SKA2: variants seen among roughly 807,000 people sequenced by gnomAD.
The protein encoded by SKA2 is spindle and kinetochore-associated protein 2.
A neutral mutation model predicts 16.9 loss-of-function variants in SKA2; 13 were observed. The observed-to-expected ratio is 0.77, with a 90% confidence interval of 0.50 to 1.22. SKA2 has a LOEUF of 1.22. SKA2 is among the 50% of genes most tolerant of loss of function. SKA2 has a pLI of 0.00. For missense variants in SKA2, 107 were observed against 139.7 expected (o/e 0.77, Z 1.18); for synonymous variants, 47 against 48.5 (o/e 0.97, Z 0.13).
chr17:59,120,655 T>C (rs1306170332), intron 2 of SKA2, among the ~76,000 whole-genome samples: 1 of 152,184 alleles, frequency 6.6e-6, no homozygotes, highest in African/African-American at 2.4e-5. Flanking sequence ...TTTCGCAGGA[T>C]AGAAAAAATA....
intron 1 of SKA2, among the ~76,000 whole-genome samples, chr17:59,132,551 CT>C (rs1417600611): frequency 6.6e-6 from 1 of 152,234 alleles, no homozygotes; most frequent in African/African-American, 2.4e-5. Flanking sequence ...GTGGTCCCAG[CT>C]ATTTGGGTAG....
At chr17:59,130,731 G>A (rs1194168408) in intron 2 of SKA2, among the ~76,000 whole-genome samples, 2 of 151,992 alleles carry the variant, frequency 1.3e-5, no homozygotes, top group East Asian at 1.9e-4. Context: ...GTTAACAGAC[G>A]ATGCTTGGAG....
intron 1 of SKA2, among the ~76,000 whole-genome samples, chr17:59,149,908 T>C (rs150617645): frequency 3.5e-3 from 529 of 152,208 alleles, no homozygotes; most frequent in African/African-American, 0.012. Flanking sequence ...CAAAGGAATG[T>C]AGGGGTCTCA....
At chr17:59,129,918 AG>A (rs1416648587) in intron 2 of SKA2, among the ~76,000 whole-genome samples, 23 of 109,686 alleles carry the variant, frequency 2.1e-4, no homozygotes, top group Admixed American at 2.1e-3. Context: ...GGAGGGAGGG[AG>A]GGAAGGAAGG....
At chr17:59,141,917 C>T (rs2046493321) in intron 1 of SKA2, among the ~76,000 whole-genome samples, 1 of 151,962 alleles carries the variant, frequency 6.6e-6, no homozygotes, top group South Asian at 2.1e-4. Flanking sequence ...CCTGGTAGGA[C>T]CTTTGCTACT....
intron 1 of SKA2, among the ~76,000 whole-genome samples, chr17:59,143,027 G>A (rs2046504413): frequency 6.6e-6 from 1 of 151,494 alleles, no homozygotes; most frequent in Non-Finnish European, 1.5e-5. Context: ...TCCTGCCTCA[G>A]CCTCCCAAAG....
rs2046253311 is a variant in SKA2 at position 59,109,982 on chromosome 17, TAAG to T, written c.*2292_*2294del. ...AAAGAGGATTGTAGGTTTTATTGAC[TAAG>T]AAGATAAAGGGATGCAAATTAGTTA... On this transcript the variant is annotated 3_prime_UTR_variant, in exon 4 of 4. Coordinates refer to ENST00000330137, the MANE Select transcript of SKA2 (RefSeq NM_182620.4). 1 of 152,208 alleles carries T rather than the reference TAAG, an allele frequency of 6.6e-6. No individual in the cohort carries two copies. Among genetic ancestry groups the T allele is most frequent in the African/African-American group, 2.4e-5 (1 of 41,450 alleles). 9.4% of individuals were successfully genotyped at this position (152,208 alleles called of 1,614,324 possible). A position where few individuals can be genotyped will look rare whatever the true frequency, so the allele number is the denominator to read the frequency against.
intron 2 of SKA2, among the ~76,000 whole-genome samples, chr17:59,123,593 T>C (rs2046352119): frequency 6.6e-6 from 1 of 151,372 alleles, no homozygotes; most frequent in African/African-American, 2.4e-5. Context: ...TCTTACTCTG[T>C]CACCTAGGCT....
intron 2 of SKA2, among the ~76,000 whole-genome samples, chr17:59,121,058 A>G (rs2046329515): frequency 6.6e-6 from 1 of 151,218 alleles, no homozygotes; most frequent in Non-Finnish European, 1.5e-5. Context: ...AGGCTGAGGC[A>G]GGAGAATCGC....
chr17:59,119,183 C>T (rs909149317), intron 3 of SKA2, 136 bp downstream of exon 3: 2 of 848,058 alleles, frequency 2.4e-6, no homozygotes, highest in Non-Finnish European at 3.6e-6. Flanking sequence ...TATTATACTT[C>T]AGGGTATCAG....
intron 2 of SKA2, among the ~76,000 whole-genome samples, chr17:59,123,707 T>C (rs896987594): frequency 6.6e-6 from 1 of 152,038 alleles, no homozygotes; most frequent in African/African-American, 2.4e-5. Context: ...AGCTACTACA[T>C]CAGGCCTATA....
chr17:59,121,255 C>T (rs894460709), intron 2 of SKA2, among the ~76,000 whole-genome samples: 37 of 151,894 alleles, frequency 2.4e-4, no homozygotes, highest in African/African-American at 8.2e-4. Flanking sequence ...CCTCAGGAAG[C>T]GTCTAAATGA....
chr17:59,138,883 CT>C (rs2147812599), intron 1 of SKA2, among the ~76,000 whole-genome samples: 1 of 152,274 alleles, frequency 6.6e-6, no homozygotes, highest in East Asian at 1.9e-4. Flanking sequence ...AAAACACTTG[CT>C]TTTTACAAAC....
At position 59,110,367 on chromosome 17, in the gene SKA2, C is replaced by G. The variant is rs2046255568; in HGVS notation, c.*1910G>C. On this transcript the variant is annotated 3_prime_UTR_variant, in exon 4 of 4. Coordinates refer to ENST00000330137, the MANE Select transcript of SKA2 (RefSeq NM_182620.4). ...TATTATGATCTCTCCATGATACTAC[C>G]GTTTTTTCAATCCCAACAATCATCA... 6.6e-6 allele frequency: 1 copy of G among 152,106 alleles called. No homozygotes were observed. Among genetic ancestry groups the G allele is most frequent in the Non-Finnish European group, 1.5e-5 (1 of 68,024 alleles). 9.4% of individuals were successfully genotyped at this position (152,106 alleles called of 1,614,324 possible).
chr17:59,133,804 T>C (rs1223323924), intron 1 of SKA2, among the ~76,000 whole-genome samples: 1 of 152,170 alleles, frequency 6.6e-6, no homozygotes, highest in Non-Finnish European at 1.5e-5. Context: ...CAAAATTCTA[T>C]CTTTATAGCC....
rs994588887 is a variant in SKA2 at position 59,128,559 on chromosome 17, G to A, written c.120+2722C>T. 4.0e-5 allele frequency among the ~76,000 whole-genome samples: 6 copies of A among 151,706 alleles called. No homozygotes were observed. In the East Asian group the frequency reaches 1.2e-3, roughly 29 times the overall value. On this transcript the variant is annotated intron_variant, in intron 2 of 3. Coordinates refer to ENST00000330137, the MANE Select transcript of SKA2 (RefSeq NM_182620.4). The stretch of plus-strand genomic sequence containing the variant: ...GAGAGTTGCTTGAACTCGGAAGGCG[G>A]AGGTTGCAGGGAGCAGAGATAGTGC...
At chr17:59,142,935 A>G (rs1350376073) in intron 1 of SKA2, among the ~76,000 whole-genome samples, 1 of 144,280 alleles carries the variant, frequency 6.9e-6, no homozygotes, top group Non-Finnish European at 1.5e-5. Flanking sequence ...CTCAAAAAAA[A>G]AAAAAAAAAA....
intron 1 of SKA2, among the ~76,000 whole-genome samples, chr17:59,152,094 G>A (rs750296396): frequency 1.1e-4 from 17 of 152,118 alleles, no homozygotes; most frequent in Non-Finnish European, 2.1e-4. Context: ...CCCAGAAACA[G>A]AAATAGTATC....
chr17:59,112,319 TTTCTC>T lies in SKA2; in HGVS notation c.319_323del (p.Glu107AsnfsTer34), dbSNP rs1568298887. On this transcript the variant is annotated frameshift_variant, in exon 4 of 4. Coordinates refer to ENST00000330137, the MANE Select transcript of SKA2 (RefSeq NM_182620.4). LOFTEE classifies it high-confidence loss of function. ...GAAATTTGAATTGCTCTGCCGCAGT[TTTCTC>T]TTCTTTAGTCAGTGGTGACAGCTAG... 1.2e-6 allele frequency: 2 copies of T among 1,611,224 alleles called. No individual in the cohort carries two copies. Among genetic ancestry groups the T allele is most frequent in the Non-Finnish European group, 1.7e-6 (2 of 1,179,574 alleles).
Sources: allele counts gnomAD v4.1 joint callset (sites outside exome capture counted in the v4.1 genomes callset), GRCh38; gene constraint gnomAD v4.1.1; transcripts MANE v1.5; gene names NCBI Gene and HGNC (gene_info 2026-07-23, HGNC 2026-07-21).